Variants in GRM3 observed in about 807,000 individuals in gnomAD.
GRM3 encodes the protein glutamate metabotropic receptor 3.
Under a neutral mutation model 70.5 loss-of-function variants are expected in GRM3, and 26 were observed. The observed-to-expected ratio is 0.37, with a 90% CI of 0.27 to 0.51. The LOEUF (loss-of-function observed/expected upper bound fraction) is 0.51. GRM3 is among the 20% of genes least tolerant of loss of function. The pLI is 0.93. For missense variants in GRM3, 859 were observed against 1,123.8 expected, an observed-to-expected ratio of 0.76 and a Z score of 3.37; for synonymous variants, 443 against 434.9, an observed-to-expected ratio of 1.02 and a Z score of -0.23.
intron 1 of GRM3, among the ~76,000 whole-genome samples, chr7:86,709,803 G>A (rs1795150764): frequency 6.6e-6 from 1 of 152,064 alleles, no homozygotes; most frequent in Non-Finnish European, 1.5e-5. Context: ...ATAAATGTCT[G>A]TAACTAAAAA....
In GRM3 at chr7:86,820,485, G is replaced by A. The variant is rs552542406; in HGVS notation, c.1325-18354G>A. On this transcript the variant is annotated intron_variant, in intron 3 of 5. Coordinates refer to ENST00000361669, the MANE Select transcript of GRM3 (RefSeq NM_000840.3). ...AGTACATATTGAGTACCTTATATAA[G>A]TGGACAATTTACTTCACTTACAAAT... Among the ~76,000 whole-genome samples, 13 of 152,228 alleles carry A rather than the reference G, an allele frequency of 8.5e-5. No homozygotes were observed. The East Asian group carries it at 1.4e-3, about 16-fold the overall frequency.
chr7:86,853,642 T>A (rs1450510916), intron 5 of GRM3, among the ~76,000 whole-genome samples: 1 of 152,196 alleles, frequency 6.6e-6, no homozygotes, highest in Admixed American at 6.5e-5. Context: ...TTTCTGACTT[T>A]CTCTTCAGAG....
rs555690634 is a variant in GRM3, at chr7:86,666,481, T to C, written c.-141+21609T>C. Among the ~76,000 whole-genome samples the C allele has an allele frequency of 2.0e-5, 3 of 152,186 alleles. No homozygotes were observed. The South Asian group carries it at 6.2e-4, about 32-fold the overall frequency. On this transcript the variant is annotated intron_variant, in intron 1 of 5. Coordinates refer to ENST00000361669, the MANE Select transcript of GRM3 (RefSeq NM_000840.3). The stretch of plus-strand genomic sequence containing the variant: ...GGTATTTTATCAACTAAAAGCTAAG[T>C]GATGTTATGTAAGGGATTTTTATAT...
intron 1 of GRM3, among the ~76,000 whole-genome samples, chr7:86,732,956 C>T (rs1012173284): frequency 6.6e-6 from 1 of 151,970 alleles, no homozygotes; most frequent in East Asian, 1.9e-4. Flanking sequence ...AACAGCAAAA[C>T]TGAGGCAGAA....
intron 1 of GRM3, among the ~76,000 whole-genome samples, chr7:86,714,863 G>A (rs1795280318): frequency 6.6e-6 from 1 of 151,834 alleles, no homozygotes; most frequent in South Asian, 2.1e-4. Context: ...TCTTTAAAGA[G>A]GTGAAAATTA....
At chr7:86,659,955 C>T (rs1013844422) in intron 1 of GRM3, among the ~76,000 whole-genome samples, 2 of 151,972 alleles carry the variant, frequency 1.3e-5, no homozygotes, top group Non-Finnish European at 2.9e-5. Context: ...GTCTCAGATT[C>T]CTTTGTGTAA....
At chr7:86,796,970 G>A (rs1797565807) in intron 3 of GRM3, among the ~76,000 whole-genome samples, 1 of 152,228 alleles carries the variant, frequency 6.6e-6, no homozygotes, top group Non-Finnish European at 1.5e-5. Flanking sequence ...CTGCTGCCAT[G>A]TAAGATATGC....
At chr7:86,797,324 T>C in intron 3 of GRM3, among the ~76,000 whole-genome samples, 1 of 152,192 alleles carries the variant, frequency 6.6e-6, no homozygotes. Flanking sequence ...GACAATGAAG[T>C]CCAGCTTGAA....
At chr7:86,855,433 C>T (rs771699050) in intron 5 of GRM3, among the ~76,000 whole-genome samples, 1 of 152,116 alleles carries the variant, frequency 6.6e-6, no homozygotes, top group Non-Finnish European at 1.5e-5. Flanking sequence ...GTCTCTTGCT[C>T]ATGGTAATTG....
rs531253992 is a variant in GRM3, at chr7:86,666,881, T to C, written c.-141+22009T>C. On this transcript the variant is annotated intron_variant, in intron 1 of 5. Coordinates refer to ENST00000361669, the MANE Select transcript of GRM3 (RefSeq NM_000840.3). Reference sequence around the variant, plus strand: ...TGTTCCTGGCAAGTTATCCAGTTAGTGAATTTCTTGCCAAAATTTACATCA... The same window carrying C: ...TGTTCCTGGCAAGTTATCCAGTTAGCGAATTTCTTGCCAAAATTTACATCA... 2.6e-5 allele frequency among the ~76,000 whole-genome samples: 4 copies of C among 152,262 alleles called. No homozygotes were observed. The South Asian group carries it at 6.2e-4, about 24-fold the overall frequency.
intron 4 of GRM3, among the ~76,000 whole-genome samples, chr7:86,843,432 T>A (rs1798596312): frequency 6.6e-6 from 1 of 152,178 alleles, no homozygotes; most frequent in Admixed American, 6.6e-5. Flanking sequence ...AGGAATTCAA[T>A]ACAGAGCAAA....
chr7:86,658,780 C>G (rs1030946952), intron 1 of GRM3, among the ~76,000 whole-genome samples: 2 of 151,440 alleles, frequency 1.3e-5, no homozygotes, highest in African/African-American at 4.9e-5. Context: ...TTCCTTTTAG[C>G]CATATATTTT....
chr7:86,786,785 C>T lies in GRM3; in HGVS notation c.993C>T (p.Arg331=), dbSNP rs1478864201. The T allele has an allele frequency of 1.9e-6, 3 of 1,614,158 alleles. No homozygotes were observed. The highest frequency in any genetic ancestry group is 1.3e-5 in the African/African-American group (1 of 75,068). Residue 331 remains arginine (R), a synonymous_variant, in exon 3 of 6, where the codon CGC becomes CGT. Coordinates refer to ENST00000361669, the MANE Select transcript of GRM3 (RefSeq NM_000840.3). This position sits in a 1 kb window ranked among gnomAD's most constrained non-coding sequence, Gnocchi z 6.0. ...TGGAGCTGGCCTCCCAGCCTGTCCGCCAGTTCGACCGCTACTTCCAGAGCC... is the reference window on the plus strand; with the variant it reads ...TGGAGCTGGCCTCCCAGCCTGTCCGTCAGTTCGACCGCTACTTCCAGAGCC... ...ITLELASQPV[R]QFDRYFQSLN...
At chr7:86,664,954 C>T (rs1158443962) in intron 1 of GRM3, among the ~76,000 whole-genome samples, 1 of 152,036 alleles carries the variant, frequency 6.6e-6, no homozygotes, top group Non-Finnish European at 1.5e-5. Context: ...ATATTATAAA[C>T]ATGAGCTTTC....
chr7:86,828,480 A>G (rs563357200), intron 3 of GRM3, among the ~76,000 whole-genome samples: 1 of 152,372 alleles, frequency 6.6e-6, no homozygotes, highest in East Asian at 1.9e-4. Flanking sequence ...CGATAAAGCA[A>G]GTTACATAAG....
chr7:86,742,393 TG>T (rs1796010218), intron 1 of GRM3, among the ~76,000 whole-genome samples: 1 of 152,174 alleles, frequency 6.6e-6, no homozygotes, highest in Non-Finnish European at 1.5e-5. Flanking sequence ...CTTTTTTAAC[TG>T]CTTTATTGAG....
At chr7:86,719,970 T>C (rs1291854735) in intron 1 of GRM3, among the ~76,000 whole-genome samples, 1 of 151,858 alleles carries the variant, frequency 6.6e-6, no homozygotes, top group Non-Finnish European at 1.5e-5. Flanking sequence ...AAAAGTAGTA[T>C]AAACTATCAG....
chr7:86,801,909 G>A (rs1429775485), intron 3 of GRM3, among the ~76,000 whole-genome samples: 2 of 152,104 alleles, frequency 1.3e-5, no homozygotes, highest in Admixed American at 1.3e-4. Flanking sequence ...TATAAAATGT[G>A]TGTTTTAGTC....
intron 1 of GRM3, among the ~76,000 whole-genome samples, chr7:86,655,424 A>G (rs1793710584): frequency 6.6e-6 from 1 of 152,186 alleles, no homozygotes; most frequent in Admixed American, 6.5e-5. Flanking sequence ...TTGTGGAATA[A>G]AATAAAAAAG....
Sources: gnomAD v4.1 joint callset for allele counts (sites outside exome capture counted in the v4.1 genomes callset) on GRCh38, gnomAD v4.1.1 for gene constraint, Gnocchi (gnomAD v3.1) non-coding constraint, MANE v1.5 for transcripts, NCBI Gene and HGNC (gene_info 2026-07-23, HGNC 2026-07-21) for gene names.